Variants in EMX1 observed in about 807,000 individuals in gnomAD.
EMX1 encodes homeobox protein EMX1.
EMX1 carries 10 observed loss-of-function variants against 20.1 expected under a neutral mutation model. That is an observed-to-expected ratio of 0.50 (90% CI 0.31 to 0.84). The LOEUF (loss-of-function observed/expected upper bound fraction) is 0.84. Ranked by LOEUF, EMX1 falls within the 40% of genes least tolerant of loss-of-function variation. The probability of loss-of-function intolerance (pLI) is 0.05; values close to 1 mark genes in which losing one functional copy is unlikely to be tolerated. For synonymous variants in EMX1, 250 were observed against 200.4 expected (o/e 1.25, Z -2.09); for missense variants, 424 against 431.9 (o/e 0.98, Z 0.16).
intron 2 of EMX1, among the ~76,000 whole-genome samples, chr2:72,931,531 C>A (rs1398423097): frequency 6.6e-6 from 1 of 152,156 alleles, no homozygotes; most frequent in Non-Finnish European, 1.5e-5. Flanking sequence ...ACAGTCATAG[C>A]AGGCTCCAGG....
rs923360381 is a variant in EMX1 at position 72,917,565 on chromosome 2, G to T, written c.-288G>T. The T allele has an allele frequency of 1.5e-5, 3 of 198,798 alleles. No homozygotes were observed. Among genetic ancestry groups the T allele is most frequent in the Non-Finnish European group, 3.0e-5 (3 of 99,734 alleles). 12.3% of individuals were successfully genotyped at this position (198,798 alleles called of 1,614,324 possible). A position where few individuals can be genotyped will look rare whatever the true frequency, so the allele number is the denominator to read the frequency against. Reference sequence around the variant, plus strand: ...GGCGGCCGGGGCTGGGCAGGGCAGTGCGGGGACACCGGGGGCTGGGGTCGG... The same window carrying T: ...GGCGGCCGGGGCTGGGCAGGGCAGTTCGGGGACACCGGGGGCTGGGGTCGG... On this transcript the variant is annotated 5_prime_UTR_variant, in exon 1 of 3. Transcript: ENST00000258106.
intron 2 of EMX1, chr2:72,925,834 T>G (rs1671191917): frequency 1.0e-6 from 1 of 985,446 alleles, no homozygotes; most frequent in Non-Finnish European, 1.2e-6. Context: ...CTGCCCCACT[T>G]AATCTACAAA....
At chr2:72,920,664 C>G (rs575301536) in intron 1 of EMX1, among the ~76,000 whole-genome samples, 2 of 152,264 alleles carry the variant, frequency 1.3e-5, no homozygotes, top group East Asian at 1.9e-4. Flanking sequence ...TGTCTGCGCT[C>G]TCTGCGCAGC....
intron 2 of EMX1, chr2:72,925,789 G>A (rs1359757214): frequency 1.0e-6 from 1 of 985,280 alleles, no homozygotes; most frequent in East Asian, 1.1e-4. Flanking sequence ...CTCCTTCAGT[G>A]GCATTTTGGC....
Position 72,933,786 on chromosome 2 carries a change from G to C in EMX1, c.706-1G>C. The C allele has an allele frequency of 6.2e-7, 1 of 1,614,224 alleles. No homozygotes were observed. On this transcript the variant is annotated splice_acceptor_variant, in intron 2 of 2. Coordinates refer to ENST00000258106, the MANE Select transcript of EMX1 (RefSeq NM_004097.3). LOFTEE classifies it high-confidence loss of function. ...TCTGTGCCCCTCCCTCCCTGGCCCA[G>C]GTGAAGGTGTGGTTCCAGAACCGGA...
intron 1 of EMX1, among the ~76,000 whole-genome samples, chr2:72,918,650 C>T (rs935796587): frequency 1.3e-5 from 2 of 152,248 alleles, no homozygotes; most frequent in African/African-American, 4.8e-5. Flanking sequence ...GGAGCCTGTG[C>T]TGGCCCTCGC....
intron 2 of EMX1, 58 bp downstream of exon 2, chr2:72,924,551 G>T (rs1671161792): frequency 1.3e-6 from 2 of 1,485,506 alleles, no homozygotes; most frequent in African/African-American, 1.4e-5. Context: ...AGGTGAGGGT[G>T]CGCGGGTGCA....
chr2:72,924,067 T>C (rs902588409), intron 1 of EMX1: 2 of 603,478 alleles, frequency 3.3e-6, no homozygotes, highest in East Asian at 2.8e-5. Flanking sequence ...AGAGCTGTTA[T>C]TCCCCGCGTT....
At chr2:72,927,382 C>A (rs1414331792) in intron 2 of EMX1, among the ~76,000 whole-genome samples, 1 of 152,154 alleles carries the variant, frequency 6.6e-6, no homozygotes, top group Non-Finnish European at 1.5e-5. Context: ...TTGAATGACA[C>A]AAATTCCAGG....
chr2:72,927,988 C>CGGA (rs1671230823), intron 2 of EMX1, among the ~76,000 whole-genome samples: 1 of 152,220 alleles, frequency 6.6e-6, no homozygotes, highest in African/African-American at 2.4e-5. Context: ...TAAAACTTCT[C>CGGA]GGAGGGTTAC....
In EMX1 at chr2:72,922,436, C is replaced by A. The variant is rs557758680; in HGVS notation, c.521-1873C>A. Among the ~76,000 whole-genome samples the A allele has an allele frequency of 2.0e-5, 3 of 152,316 alleles. No homozygotes were observed. The South Asian group carries it at 6.2e-4, about 32-fold the overall frequency. The stretch of plus-strand genomic sequence containing the variant: ...GTCTATTCCACTATCCCAAGTCAAA[C>A]TTCTCTTCAGTCGGACCTGAGGGCC... On this transcript the variant is annotated intron_variant, in intron 1 of 2. Coordinates refer to ENST00000258106, the MANE Select transcript of EMX1 (RefSeq NM_004097.3).
chr2:72,928,495 C>CGT lies in EMX1; in HGVS notation c.705+4011_705+4012dup, dbSNP rs1239841370. 1.8e-3 allele frequency among the ~76,000 whole-genome samples: 272 copies of CGT among 151,932 alleles called. 2 individuals are homozygous for CGT. The highest frequency in any genetic ancestry group is 6.2e-3 in the African/African-American group (256 of 41,418). On this transcript the variant is annotated intron_variant, in intron 2 of 2. Transcript: ENST00000258106. ...CAGCTTGCATGCTTTTGTGTGTGTT[C>CGT]GTGTGTGTGTCGGGGGCAGGGGTAA...
At chr2:72,916,773 A>C (rs1670971359), upstream of EMX1, 1 of 717,350 alleles carries the variant, frequency 1.4e-6, no homozygotes, top group Non-Finnish European at 2.6e-6. Context: ...TTGAGCCCCC[A>C]GAGCCTCAGA....
intron 1 of EMX1, among the ~76,000 whole-genome samples, chr2:72,922,918 A>G (rs1258272757): frequency 6.6e-6 from 1 of 152,264 alleles, no homozygotes; most frequent in African/African-American, 2.4e-5. Context: ...TGGATCAGTC[A>G]ATCCCAACAG....
At chr2:72,916,334 G>A, upstream of EMX1, 1 of 313,170 alleles carries the variant, frequency 3.2e-6, no homozygotes, top group South Asian at 3.2e-5. Flanking sequence ...CCCAGGCAGC[G>A]CTCAGGCCGC....
At chr2:72,929,387 A>C (rs1276881750) in intron 2 of EMX1, among the ~76,000 whole-genome samples, 1 of 152,130 alleles carries the variant, frequency 6.6e-6, no homozygotes, top group South Asian at 2.1e-4. Flanking sequence ...TAGGGAGATC[A>C]TGGTTATGGT....
Position 72,917,635 on chromosome 2 carries a change from G to A in EMX1, c.-218G>A, listed in dbSNP as rs1670990692. The A allele has an allele frequency of 7.8e-6, 2 of 256,610 alleles. No homozygotes were observed. The highest frequency in any genetic ancestry group is 1.4e-5 in the Non-Finnish European group (2 of 140,804). The allele number at this position is 256,610 out of a possible 1,614,324, so 15.9% of individuals were successfully genotyped here. ...GGAGGGAGACGAGCTCAACCCTCGG[G>A]CCTTACTGGCAGCTCGCAGCCTAGC... On this transcript the variant is annotated 5_prime_UTR_variant, in exon 1 of 3. Coordinates refer to ENST00000258106, the MANE Select transcript of EMX1 (RefSeq NM_004097.3).
chr2:72,917,375 C>G, upstream of EMX1: 1 of 296,144 alleles, frequency 3.4e-6, no homozygotes. Context: ...AGGCCTGGAT[C>G]TCCCCGCGAA....
Position 72,917,530 on chromosome 2 carries a change from C to G in EMX1, c.-323C>G, listed in dbSNP as rs896876174. On this transcript the variant is annotated 5_prime_UTR_variant, in exon 1 of 3. Coordinates refer to ENST00000258106, the MANE Select transcript of EMX1 (RefSeq NM_004097.3). ...GGCAGGTGCCCGCTAACTCGCGCCT[C>G]GCAGCGCTGGGCGGCCGGGGCTGGG... 1.1e-5 allele frequency: 2 copies of G among 189,672 alleles called. No individual in the cohort carries two copies. Among genetic ancestry groups the G allele is most frequent in the Non-Finnish European group, 2.1e-5 (2 of 93,654 alleles). The allele number at this position is 189,672 out of a possible 1,614,324, so 11.7% of individuals were successfully genotyped here.
Sources: allele counts gnomAD v4.1 joint callset (sites outside exome capture counted in the v4.1 genomes callset), GRCh38; gene constraint gnomAD v4.1.1; transcripts MANE v1.5; gene names NCBI Gene and HGNC (gene_info 2026-07-23, HGNC 2026-07-21).